Variants in TNKS observed in about 807,000 individuals in gnomAD.
TNKS encodes poly [ADP-ribose] polymerase tankyrase-1.
TNKS carries 72 observed loss-of-function variants against 135.8 expected under a neutral mutation model. That is an observed-to-expected ratio of 0.53 (90% CI 0.44 to 0.64). The LOEUF is 0.64. TNKS is among the 30% of genes least tolerant of loss of function. The pLI is 0.00. For synonymous variants in TNKS, 849 were observed against 649.3 expected (o/e 1.31, Z -4.68); for missense variants, 1,769 against 1,674.0 (o/e 1.06, Z -0.99).
chr8:9,692,884 T>C (rs971991092), intron 5 of TNKS, among the ~76,000 whole-genome samples: 3 of 152,226 alleles, frequency 2.0e-5, no homozygotes, highest in African/African-American at 7.2e-5. Context: ...CAATGAAATA[T>C]ATTTATTTCC....
chr8:9,556,474 G>T lies in TNKS; in HGVS notation c.535G>T (p.Val179Leu). The T allele has an allele frequency of 6.2e-7, 1 of 1,614,194 alleles. No individual in the cohort carries two copies. Among genetic ancestry groups the T allele is most frequent in the Non-Finnish European group, 8.5e-7 (1 of 1,180,054 alleles). The change falls in exon 1 of 27, where the codon GTG becomes TTG. Residue 179 changes from valine to leucine, a missense_variant. By Grantham distance (32) the Val-to-Leu change is conservative. Around this residue, in one of 5 missense-constraint regions of TNKS, gnomAD observed 450 missense variants for 304.9 expected, o/e 1.48. Transcript: ENST00000310430. ...AAGPGTGVPA[V>L]SGALRELLEA... is the part of the protein sequence containing the mutation. ...AGGACCTGGGACAGGGGTCCCAGCA[G>T]TGAGCGGGGCCCTACGGGAACTGCT...
chr8:9,746,765 G>A (rs920168721), intron 17 of TNKS, among the ~76,000 whole-genome samples: 8 of 151,834 alleles, frequency 5.3e-5, no homozygotes, highest in African/African-American at 1.9e-4. Context: ...ATGCCCCCTC[G>A]ACTGTGCTCC....
rs34433162 is a variant in TNKS at position 9,706,909 on chromosome 8, C to T, written c.1368C>T (p.Ser456=). ...NRVEVCSLLL[S]HGADPTLVNC... ...TAGAAGTCTGCTCTTTGTTACTTAG[C>T]CATGGCGCTGATCCTACATTAGTCA... Residue 456 remains serine, a synonymous_variant, in exon 8 of 27, where the codon AGC becomes AGT. Transcript: ENST00000310430. The T allele has an allele frequency of 1.9e-3, 3,071 of 1,614,054 alleles. 48 individuals carry two copies. In the African/African-American group the frequency reaches 0.035, roughly 19 times the overall value.
intron 1 of TNKS, among the ~76,000 whole-genome samples, chr8:9,560,493 CTTTTTT>C (rs535715245): frequency 4.7e-5 from 2 of 42,310 alleles, no homozygotes; most frequent in African/African-American, 2.4e-4. Flanking sequence ...CCATACTTGT[CTTTTTT>C]TTTTTTTTTT....
Position 9,776,786 on chromosome 8 carries a change from T to TGAAACAA in TNKS, c.*50_*51insGAAACAA. ...ATCAGATTTCAACCTGGGACTGGAT[T>TGAAACAA]ACAGAGGATTGTTTCTAATAACAAC... On this transcript the variant is annotated 3_prime_UTR_variant, in exon 27 of 27. Coordinates refer to ENST00000310430, the MANE Select transcript of TNKS (RefSeq NM_003747.3). 1.3e-6 allele frequency: 2 copies of TGAAACAA among 1,537,302 alleles called. No homozygotes were observed. Among genetic ancestry groups the TGAAACAA allele is most frequent in the South Asian group, 1.1e-5 (1 of 89,222 alleles).
At chr8:9,668,962 A>G (rs1802134841) in intron 3 of TNKS, among the ~76,000 whole-genome samples, 1 of 152,150 alleles carries the variant, frequency 6.6e-6, no homozygotes, top group African/African-American at 2.4e-5. Context: ...TTTGATTATT[A>G]TTATTATTAT....
At chr8:9,690,551 G>A (rs1385922979) in intron 5 of TNKS, among the ~76,000 whole-genome samples, 1 of 152,128 alleles carries the variant, frequency 6.6e-6, no homozygotes, top group Admixed American at 6.5e-5. Flanking sequence ...TTTGAGTTCA[G>A]GAGTTTGAGA....
In TNKS at chr8:9,591,482, G is replaced by A. The variant is rs117611957; in HGVS notation, c.898+11099G>A. On this transcript the variant is annotated intron_variant, in intron 2 of 26. Coordinates refer to ENST00000310430, the MANE Select transcript of TNKS (RefSeq NM_003747.3). ...TGGGTGGAATGCTAAGTGCACATTG[G>A]ACTGTAAAAGAAGCTGCGTTGCCCT... is the stretch of plus-strand genomic sequence containing the variant. Among the ~76,000 whole-genome samples the A allele has an allele frequency of 3.7e-3, 571 of 152,342 alleles. 3 individuals are homozygous for A. Among genetic ancestry groups the A allele is most frequent in the Non-Finnish European group, 5.9e-3 (404 of 68,038 alleles).
At position 9,564,066 on chromosome 8, in the gene TNKS, C is replaced by T. The variant is rs376761083; in HGVS notation, c.673+7454C>T. Among the ~76,000 whole-genome samples the T allele has an allele frequency of 6.8e-4, 103 of 152,058 alleles. 1 individual carries two copies. In the Middle Eastern group the frequency reaches 0.014, roughly 20 times the overall value. On this transcript the variant is annotated intron_variant, in intron 1 of 26. Transcript: ENST00000310430. ...CAGTAGTAGCATTTAAATTATGAAA[C>T]ATCATCATTTTATACCTCTGTTTAT...
At chr8:9,754,050 T>C (rs1344459690) in intron 20 of TNKS, among the ~76,000 whole-genome samples, 2 of 152,200 alleles carry the variant, frequency 1.3e-5, no homozygotes, top group Non-Finnish European at 2.9e-5. Context: ...GTCCTCTCTA[T>C]CTCTTCTAAG....
intron 21 of TNKS, among the ~76,000 whole-genome samples, chr8:9,761,891 T>TGTCA (rs1308885850): frequency 1.3e-5 from 2 of 152,230 alleles, no homozygotes; most frequent in Non-Finnish European, 2.9e-5. Context: ...TTCCCATGAC[T>TGTCA]GTCACTTGAT....
intron 5 of TNKS, among the ~76,000 whole-genome samples, chr8:9,682,449 A>T (rs1267437363): frequency 6.6e-6 from 1 of 152,112 alleles, no homozygotes; most frequent in Non-Finnish European, 1.5e-5. Flanking sequence ...TCCTACACAA[A>T]TGTATAGAAC....
chr8:9,699,752 G>T (rs1190446135), intron 5 of TNKS, among the ~76,000 whole-genome samples: 2 of 152,080 alleles, frequency 1.3e-5, no homozygotes. Context: ...TTCTGTTCAG[G>T]CCTTCCTGCC....
intron 26 of TNKS, among the ~76,000 whole-genome samples, chr8:9,771,365 AG>A: frequency 9.4e-6 from 1 of 106,064 alleles, no homozygotes; most frequent in Admixed American, 1.2e-4. Flanking sequence ...GGAGAGAGAG[AG>A]GAAGGGAGGG....
chr8:9,620,560 C>T (rs535834344), intron 3 of TNKS, among the ~76,000 whole-genome samples: 2 of 152,290 alleles, frequency 1.3e-5, no homozygotes, highest in African/African-American at 4.8e-5. Context: ...AGTGGCCTGT[C>T]CTGATCTGGC....
At chr8:9,754,056 C>T (rs886409601) in intron 20 of TNKS, among the ~76,000 whole-genome samples, 2 of 152,198 alleles carry the variant, frequency 1.3e-5, no homozygotes, top group Non-Finnish European at 2.9e-5. Context: ...TCTATCTCTT[C>T]TAAGGACATT....
At chr8:9,636,686 T>C (rs1207460649) in intron 3 of TNKS, among the ~76,000 whole-genome samples, 1 of 152,192 alleles carries the variant, frequency 6.6e-6, no homozygotes, top group African/African-American at 2.4e-5. Flanking sequence ...ATCTGTGTCA[T>C]TTTGTCTTGC....
At chr8:9,741,548 G>A (rs940128445) in intron 17 of TNKS, 3 of 235,900 alleles carry the variant, frequency 1.3e-5, no homozygotes, top group East Asian at 8.7e-5. Context: ...ATGGGATAGC[G>A]TTAAGATGTG....
intron 2 of TNKS, among the ~76,000 whole-genome samples, chr8:9,584,595 T>C (rs759550003): frequency 1.3e-5 from 2 of 152,208 alleles, no homozygotes; most frequent in Non-Finnish European, 2.9e-5. Context: ...AGATAGACAA[T>C]GGTTTCTGTT....
Sources: gnomAD v4.1 joint callset for allele counts (sites outside exome capture counted in the v4.1 genomes callset) on GRCh38, gnomAD v4.1.1 for gene constraint, gnomAD v4.1.1 regional missense constraint, MANE v1.5 for transcripts, NCBI Gene and HGNC (gene_info 2026-07-23, HGNC 2026-07-21) for gene names.